Variants in SPAG9 observed in about 807,000 individuals in gnomAD.
SPAG9 encodes the protein C-Jun-amino-terminal kinase-interacting protein 4.
A neutral mutation model predicts 166.5 loss-of-function variants in SPAG9; 35 were observed. The observed-to-expected ratio is 0.21, with a 90% CI of 0.16 to 0.28. The LOEUF is 0.28. SPAG9 is among the 10% of genes least tolerant of loss of function. SPAG9 has a pLI of 1.00. For synonymous variants in SPAG9, 534 were observed against 565.5 expected (o/e 0.94, Z 0.79); for missense variants, 1,235 against 1,603.3 (o/e 0.77, Z 3.92).
At chr17:51,098,399 C>G (rs1470891292) in intron 1 of SPAG9, among the ~76,000 whole-genome samples, 4 of 139,692 alleles carry the variant, frequency 2.9e-5, no homozygotes, top group Admixed American at 2.2e-4. Context: ...CACAAACACC[C>G]TGAGTGATTT....
chr17:51,061,429 A>G (rs535518688), intron 2 of SPAG9, among the ~76,000 whole-genome samples: 1 of 151,858 alleles, frequency 6.6e-6, no homozygotes, highest in African/African-American at 2.4e-5. Context: ...CCTGGCCAAC[A>G]TGGTGAAACC....
chr17:51,069,675 A>G (rs2047769006), intron 2 of SPAG9, among the ~76,000 whole-genome samples: 1 of 152,106 alleles, frequency 6.6e-6, no homozygotes, highest in Non-Finnish European at 1.5e-5. Context: ...CCAACTTTCT[A>G]TCTAGTGGAG....
chr17:51,018,409 C>T (rs2045793294), intron 8 of SPAG9, among the ~76,000 whole-genome samples: 1 of 151,944 alleles, frequency 6.6e-6, no homozygotes, highest in African/African-American at 2.4e-5. Flanking sequence ...TACCACTAAA[C>T]AGCCTTCCCA....
intron 1 of SPAG9, among the ~76,000 whole-genome samples, chr17:51,109,123 A>C (rs1236766939): frequency 6.6e-6 from 1 of 151,836 alleles, no homozygotes; most frequent in Non-Finnish European, 1.5e-5. Context: ...CAGACTCCCC[A>C]AGTGCTAAGA....
Position 51,057,255 on chromosome 17 carries a change from G to C in SPAG9, c.425-773C>G, listed in dbSNP as rs180709463. 8.2e-3 allele frequency among the ~76,000 whole-genome samples: 1,254 copies of C among 152,252 alleles called. 5 individuals carry two copies. The highest frequency in any genetic ancestry group is 0.029 in the South Asian group (141 of 4,810). The stretch of plus-strand genomic sequence containing the variant: ...GGCAGAGGGTGGTGGTGAGGCAGAG[G>C]GGAGACTGGCCAGACTGGAGGAGCC... On this transcript the variant is annotated intron_variant, in intron 2 of 29. Coordinates refer to ENST00000262013, the MANE Select transcript of SPAG9 (RefSeq NM_001130528.3).
intron 3 of SPAG9, among the ~76,000 whole-genome samples, chr17:51,052,984 G>A (rs933580062): frequency 1.3e-5 from 2 of 151,908 alleles, no homozygotes; most frequent in Non-Finnish European, 2.9e-5. Flanking sequence ...ACTTGAACCT[G>A]GGAGGCAGAG....
intron 21 of SPAG9, 30 bp from the exon 22 acceptor site, chr17:50,987,267 C>T (rs749919582): frequency 7.6e-6 from 12 of 1,588,568 alleles, no homozygotes; most frequent in Non-Finnish European, 1.0e-5. Context: ...GGAAAGAAAT[C>T]TGAGTATACT....
rs559164146 is a variant in SPAG9, at chr17:51,006,298, A to G, written c.1272-61T>C. On this transcript the variant is annotated intron_variant, in intron 10 of 29. Transcript: ENST00000262013. ...TAAATATTCTTTCCATCTTTCAGCT[A>G]TTCCTTTGTAGACTAAACTGTACAA... is the stretch of plus-strand genomic sequence containing the variant. The G allele has an allele frequency of 2.8e-4, 427 of 1,514,770 alleles. 1 individual carries two copies. The highest frequency in any genetic ancestry group is 3.8e-4 in the Non-Finnish European group (413 of 1,100,574). The allele number at this position is 1,514,770 out of a possible 1,614,324, so 93.8% of individuals were successfully genotyped here.
At chr17:51,086,684 G>A (rs917713241) in intron 1 of SPAG9, among the ~76,000 whole-genome samples, 16 of 152,082 alleles carry the variant, frequency 1.1e-4, no homozygotes, top group Non-Finnish European at 1.5e-4. Flanking sequence ...TATAATCCCA[G>A]CACTTTGGGA....
At chr17:51,034,935 A>C (rs2046528274) in intron 5 of SPAG9, among the ~76,000 whole-genome samples, 1 of 152,238 alleles carries the variant, frequency 6.6e-6, no homozygotes, top group South Asian at 2.1e-4. Context: ...AGTACTCTTC[A>C]AAAGTCTCAA....
rs993441677 is a variant in SPAG9 at position 50,996,672 on chromosome 17, G to A, written c.1861C>T (p.Arg621Cys). 1.4e-5 allele frequency: 23 copies of A among 1,613,920 alleles called. No individual in the cohort carries two copies. The highest frequency in any genetic ancestry group is 8.3e-5 in the Admixed American group (5 of 59,988). ...SEETEASLAS[R>C]REQKREQYRQ... Reference sequence around the variant, plus strand: ...TACTGCTCTCTCTTTTGTTCTCTGCGTGAGGCTAAACTAGCTTCAGTTCTA... The same window carrying A: ...TACTGCTCTCTCTTTTGTTCTCTGCATGAGGCTAAACTAGCTTCAGTTCTA... The change falls in exon 16 of 30, where the codon CGC becomes TGC. Residue 621 changes from arginine (R) to cysteine (C), a missense_variant. Transcript: ENST00000262013.
At chr17:51,104,427 G>A (rs536383149) in intron 1 of SPAG9, among the ~76,000 whole-genome samples, 10 of 152,052 alleles carry the variant, frequency 6.6e-5, no homozygotes, top group Non-Finnish European at 1.3e-4. Flanking sequence ...ACCCAAGGTC[G>A]CGAGATCAAG....
Position 51,021,309 on chromosome 17 carries a change from TGTTGATGCTGGAGTG to T in SPAG9, c.825_839del (p.Thr276_Thr280del). On this transcript the variant is annotated inframe_deletion, in exon 7 of 30. Transcript: ENST00000262013. The stretch of plus-strand genomic sequence containing the variant: ...GAATTGTTGCCACATCTGAATTAGC[TGTTGATGCTGGAGTG>T]GTAGCTTTAGATCCGCCTTGGCTAA... 6.2e-7 allele frequency: 1 copy of T among 1,614,132 alleles called. No homozygotes were observed. The highest frequency in any genetic ancestry group is 2.2e-5 in the East Asian group (1 of 44,872).
At chr17:51,089,663 T>C (rs778778516) in intron 1 of SPAG9, among the ~76,000 whole-genome samples, 4,223 of 78,146 alleles carry the variant, frequency 0.054, 336 homozygotes, top group African/African-American at 0.16. Context: ...TATATATATA[T>C]ACACATACAC....
At chr17:51,073,323 G>A (rs1194082490) in intron 2 of SPAG9, among the ~76,000 whole-genome samples, 6 of 150,928 alleles carry the variant, frequency 4.0e-5, no homozygotes, top group African/African-American at 2.4e-5. Context: ...GCAAGACTCC[G>A]TCTCAAAAAA....
At chr17:50,986,333 G>A (rs1442402852) in intron 22 of SPAG9, among the ~76,000 whole-genome samples, 2 of 152,188 alleles carry the variant, frequency 1.3e-5, no homozygotes, top group African/African-American at 4.8e-5. Context: ...CACTAAGTTT[G>A]CCAACTCTTC....
chr17:50,975,378 A>C (rs1194986796), intron 27 of SPAG9: 2 of 202,468 alleles, frequency 9.9e-6, no homozygotes, highest in Non-Finnish European at 2.0e-5. Context: ...TCTCCCTCAC[A>C]GTAAGAATAT....
intron 1 of SPAG9, among the ~76,000 whole-genome samples, chr17:51,098,398 CCT>C (rs2048703985): frequency 7.1e-6 from 1 of 139,950 alleles, no homozygotes; most frequent in Non-Finnish European, 1.6e-5. Flanking sequence ...TCACAAACAC[CCT>C]GAGTGATTTT....
chr17:50,978,000 C>A (rs1305941290), intron 26 of SPAG9, among the ~76,000 whole-genome samples: 1 of 152,196 alleles, frequency 6.6e-6, no homozygotes, highest in African/African-American at 2.4e-5. Flanking sequence ...AAAATCTATA[C>A]TTTTCCCCTC....
Sources: gnomAD v4.1 joint callset for allele counts (sites outside exome capture counted in the v4.1 genomes callset) on GRCh38, gnomAD v4.1.1 for gene constraint, MANE v1.5 for transcripts, NCBI Gene and HGNC (gene_info 2026-07-23, HGNC 2026-07-21) for gene names.